ANK2: variants seen among roughly 807,000 people sequenced by gnomAD.
ANK2 encodes the protein ankyrin-2.
ANK2 carries 83 observed loss-of-function variants against 360.5 expected under a neutral mutation model. That is an observed-to-expected ratio of 0.23 (90% CI 0.19 to 0.28). The LOEUF (loss-of-function observed/expected upper bound fraction) is 0.28, where lower values mean the gene tolerates loss of function less well. Among genes scored for constraint, ANK2 ranks in the 10% least tolerant of loss-of-function variants. The pLI, the probability that ANK2 is intolerant of heterozygous loss-of-function variation, is 1.00. For synonymous variants in ANK2, 1,740 were observed against 1,759.5 expected (o/e 0.99, Z 0.28); for missense variants, 4,201 against 4,795.7 (o/e 0.88, Z 3.66).
At chr4:112,820,482 T>C (rs140778885) in intron 1 of ANK2, among the ~76,000 whole-genome samples, 1 of 152,228 alleles carries the variant, frequency 6.6e-6, no homozygotes, top group Non-Finnish European at 1.5e-5. Flanking sequence ...AAAAATTAGG[T>C]GTTTTTTTCA....
chr4:113,328,765 T>C (rs1236295306), intron 26 of ANK2, among the ~76,000 whole-genome samples: 1 of 152,218 alleles, frequency 6.6e-6, no homozygotes, highest in Non-Finnish European at 1.5e-5. Flanking sequence ...CACTCTGGGC[T>C]CCTTCGCACC....
the ANK2 span, among the ~76,000 whole-genome samples, chr4:112,781,824 A>C: frequency 7.3e-6 from 1 of 136,892 alleles, no homozygotes; most frequent in African/African-American, 2.8e-5. Context: ...GTGTGATAAC[A>C]GTATTTTTTT....
the ANK2 span, among the ~76,000 whole-genome samples, chr4:112,709,386 ACT>A: frequency 1.3e-5 from 2 of 152,134 alleles, no homozygotes; most frequent in Non-Finnish European, 2.9e-5. Context: ...GACCCATATG[ACT>A]CTTATGGCCA....
intron 1 of ANK2, among the ~76,000 whole-genome samples, chr4:113,122,319 A>G (rs953402852): frequency 6.6e-5 from 10 of 152,054 alleles, no homozygotes; most frequent in African/African-American, 2.4e-4. Context: ...GGGAAGTCCA[A>G]CTACGGAAGT....
chr4:112,842,954 T>TTCCTTTTCC (rs1202691736), intron 1 of ANK2, among the ~76,000 whole-genome samples: 1 of 152,220 alleles, frequency 6.6e-6, no homozygotes, highest in Non-Finnish European at 1.5e-5. Context: ...TCTGTTTTCT[T>TTCCTTTTCC]TCCTTTTCCT....
the ANK2 span, among the ~76,000 whole-genome samples, chr4:112,761,356 C>A: frequency 6.6e-6 from 1 of 152,146 alleles, no homozygotes; most frequent in Non-Finnish European, 1.5e-5. Context: ...CACCGTGGCT[C>A]ATGCCTGTAA....
rs1278315539 is a variant in ANK2, at chr4:113,360,872, T to C, written c.10731T>C (p.Ala3577=). The change falls in exon 39 of 46, where the codon GCT becomes GCC. Residue 3577 remains alanine (A), a synonymous_variant. Coordinates refer to ENST00000357077, the MANE Select transcript of ANK2 (RefSeq NM_001148.6). ...ERIEERLAYI[A]DHLGFSWTEL... is the part of the protein sequence containing the mutation. Reference sequence around the variant, plus strand: ...TCGAGGAAAGGCTGGCTTATATTGCTGATCACCTTGGCTTCAGCTGGACAG... The same window carrying C: ...TCGAGGAAAGGCTGGCTTATATTGCCGATCACCTTGGCTTCAGCTGGACAG... 6.2e-7 allele frequency: 1 copy of C among 1,612,870 alleles called. No individual in the cohort carries two copies.
At chr4:112,936,400 T>C (rs182493736) in intron 2 of ANK2, among the ~76,000 whole-genome samples, 3 of 151,860 alleles carry the variant, frequency 2.0e-5, no homozygotes, top group African/African-American at 7.2e-5. Flanking sequence ...GGCTGGAGTG[T>C]AGTGGCGTGA....
the ANK2 span, chr4:112,788,521 T>A: frequency 3.2e-6 from 5 of 1,580,738 alleles, no homozygotes; most frequent in Non-Finnish European, 4.3e-6. Flanking sequence ...TGCCAGCAGC[T>A]TTCTTCTCGG....
In ANK2 at chr4:113,278,563, G is replaced by GGACC; in HGVS notation, c.1881+6_1881+9dup. ...TCCCCTCATGCCACTGCCAAGGTGA[G>GGACC]GACCACAGAAAAGGATTTACAGGCA... On this transcript the variant is annotated splice_donor_region_variant and intron_variant, in intron 17 of 45. Coordinates refer to ENST00000357077, the MANE Select transcript of ANK2 (RefSeq NM_001148.6). 6.2e-7 allele frequency: 1 copy of GGACC among 1,613,448 alleles called. No individual in the cohort carries two copies.
At chr4:112,833,660 C>T (rs991772894) in intron 1 of ANK2, among the ~76,000 whole-genome samples, 25 of 152,144 alleles carry the variant, frequency 1.6e-4, no homozygotes, top group Non-Finnish European at 3.4e-4. Context: ...CCCGACACCA[C>T]GCCTGGCTAA....
At chr4:113,144,114 A>G (rs2096742284) in intron 1 of ANK2, among the ~76,000 whole-genome samples, 1 of 152,194 alleles carries the variant, frequency 6.6e-6, no homozygotes, top group Admixed American at 6.5e-5. Flanking sequence ...TTCAGTCAGT[A>G]ATTTGTAAAA....
chr4:112,808,799 G>A, the ANK2 span, among the ~76,000 whole-genome samples: 1 of 152,138 alleles, frequency 6.6e-6, no homozygotes, highest in East Asian at 1.9e-4. Flanking sequence ...GATAGACTCT[G>A]ATATATCAAT....
chr4:112,925,287 T>G (rs2092381764), intron 2 of ANK2, among the ~76,000 whole-genome samples: 2 of 152,122 alleles, frequency 1.3e-5, no homozygotes, highest in South Asian at 4.1e-4. Context: ...GAGCAAAGAA[T>G]GCAAAAAACA....
At chr4:113,173,513 G>A (rs2098073922) in intron 1 of ANK2, among the ~76,000 whole-genome samples, 1 of 152,044 alleles carries the variant, frequency 6.6e-6, no homozygotes, top group Admixed American at 6.6e-5. Flanking sequence ...CAGTTATGCA[G>A]GTGTCTTGGA....
chr4:113,148,713 A>G (rs146570865), intron 1 of ANK2, among the ~76,000 whole-genome samples: 2 of 152,310 alleles, frequency 1.3e-5, no homozygotes, highest in South Asian at 2.1e-4. Flanking sequence ...TTCCTGTGAT[A>G]GCGGGAGACA....
chr4:112,872,384 C>G (rs1446942981), intron 1 of ANK2, among the ~76,000 whole-genome samples: 1 of 151,510 alleles, frequency 6.6e-6, no homozygotes, highest in African/African-American at 2.4e-5. Context: ...GTTGCCCAGG[C>G]TGGAGTGCAA....
chr4:112,868,436 A>G (rs1209569448), intron 1 of ANK2, among the ~76,000 whole-genome samples: 1 of 152,256 alleles, frequency 6.6e-6, no homozygotes, highest in Non-Finnish European at 1.5e-5. Context: ...CAAATGAGCC[A>G]AACTCAGTTT....
intron 1 of ANK2, among the ~76,000 whole-genome samples, chr4:112,878,695 G>A (rs1223916119): frequency 4.6e-5 from 7 of 151,808 alleles, no homozygotes; most frequent in South Asian, 2.1e-4. Context: ...GTGCAGTGGC[G>A]CGATCTAGGC....
Sources: allele counts gnomAD v4.1 joint callset (sites outside exome capture counted in the v4.1 genomes callset), GRCh38; gene constraint gnomAD v4.1.1; transcripts MANE v1.5; gene names NCBI Gene and HGNC (gene_info 2026-07-23, HGNC 2026-07-21).